Variants in SZT2 observed in about 807,000 individuals in gnomAD.
SZT2 encodes KICSTOR complex protein SZT2.
A neutral mutation model predicts 404.2 loss-of-function variants in SZT2; 216 were observed. That is an observed-to-expected ratio of 0.53 (90% CI 0.48 to 0.60). The LOEUF (loss-of-function observed/expected upper bound fraction) is 0.60. Among genes scored for constraint, SZT2 ranks in the 20% least tolerant of loss-of-function variants. The pLI, the probability that SZT2 is intolerant of heterozygous loss-of-function variation, is 0.00. For synonymous variants in SZT2, 1,693 were observed against 1,749.9 expected (o/e 0.97, Z 0.81); for missense variants, 3,857 against 4,459.2 (o/e 0.86, Z 3.85).
At chr1:43,440,156 AACT>A in intron 51 of SZT2, 108 bp downstream of exon 51, 1 of 1,438,538 alleles carries the variant, frequency 7.0e-7, no homozygotes, top group Non-Finnish European at 9.5e-7. Context: ...CATGTCAGAG[AACT>A]ACTACATCAG....
In SZT2 at chr1:43,453,768, T is replaced by C. The variant is rs1325311683; in HGVS notation, c.*3288T>C. 4 of 1,299,934 alleles carry C rather than the reference T, an allele frequency of 3.1e-6. No individual in the cohort carries two copies. The highest frequency in any genetic ancestry group is 3.1e-5 in the East Asian group (1 of 32,578). The allele number at this position is 1,299,934 out of a possible 1,614,324, so 80.5% of individuals were successfully genotyped here. On this transcript the variant is annotated 3_prime_UTR_variant, in exon 72 of 72. Coordinates refer to ENST00000634258, the MANE Select transcript of SZT2 (RefSeq NM_001365999.1). ...GAGCTCGGGGAATAGCCAGGACAGA[T>C]TGGCGGAGAAGCGCAGCGGCGCCAT...
At position 43,451,363 on chromosome 1, in the gene SZT2, CCT is replaced by C. The variant is rs2153937727; in HGVS notation, c.*884_*885del. The C allele has an allele frequency of 1.2e-6, 2 of 1,612,278 alleles. No individual in the cohort carries two copies. Among genetic ancestry groups the C allele is most frequent in the Non-Finnish European group, 1.7e-6 (2 of 1,180,010 alleles). On this transcript the variant is annotated 3_prime_UTR_variant, in exon 72 of 72. Transcript: ENST00000634258. ...CTCAGCCCACAAGGAGAAAACAGCCCCTGTCCGGGTCCCTCCAGAGCTCCCTT... is the reference window on the plus strand; with the variant it reads ...CTCAGCCCACAAGGAGAAAACAGCCCGTCCGGGTCCCTCCAGAGCTCCCTT...
At chr1:43,440,697 C>G in intron 52 of SZT2, 111 bp downstream of exon 52, 1 of 1,370,866 alleles carries the variant, frequency 7.3e-7, no homozygotes, top group Non-Finnish European at 9.6e-7. Flanking sequence ...AGTGTCCTTT[C>G]ATATAAAACT....
At chr1:43,446,930 C>A (rs756491333) in intron 65 of SZT2, 25 bp from the exon 66 acceptor site, 1 of 1,596,230 alleles carries the variant, frequency 6.3e-7, no homozygotes, top group Non-Finnish European at 8.5e-7. Context: ...TACCTTAACC[C>A]TGTCTCCTGC....
Position 43,403,189 on chromosome 1 carries a change from G to A in SZT2, c.40G>A (p.Gly14Arg). Reference protein sequence around the residue: ...ERPEPEVEEAGQVFLLMKKDY... With the variant: ...ERPEPEVEEARQVFLLMKKDY... ...TCTTTGTTCCCAGGTGGAAGAAGCT[G>A]GGCAGGTGTTCCTGTTAATGAAAAA... The change falls in exon 2 of 72, where the codon GGG becomes AGG. Residue 14 changes from glycine to arginine, a missense_variant. Gly to Arg is a moderately radical substitution (Grantham distance 125, BLOSUM62 -2). Coordinates refer to ENST00000634258, the MANE Select transcript of SZT2 (RefSeq NM_001365999.1). 6.2e-7 allele frequency: 1 copy of A among 1,614,158 alleles called. No homozygotes were observed. The highest frequency in any genetic ancestry group is 1.1e-5 in the South Asian group (1 of 91,078).
Position 43,443,270 on chromosome 1 carries a change from G to A in SZT2, c.8499+3G>A. 1.2e-6 allele frequency: 2 copies of A among 1,614,160 alleles called. No homozygotes were observed. The highest frequency in any genetic ancestry group is 1.7e-6 in the Non-Finnish European group (2 of 1,180,012). On this transcript the variant is annotated splice_donor_region_variant and intron_variant, in intron 60 of 71. Transcript: ENST00000634258. ...CCCCAGCCACCATGCCCATCAGTGT[G>A]AGTGACCCCAGCTTGCATCTTCCTT...
In SZT2 at chr1:43,423,236, C is replaced by T. The variant is rs777799016; in HGVS notation, c.2175C>T (p.Pro725=). 74 of 1,591,822 alleles carry T rather than the reference C, an allele frequency of 4.6e-5. No homozygotes were observed. Among genetic ancestry groups the T allele is most frequent in the Non-Finnish European group, 4.4e-5 (52 of 1,176,262 alleles). ...GCAGCTCTCCCTCCAAGTCACCCCC[C>T]GTGCTGGGGCCACAGCAGGCCCTGT... is the stretch of plus-strand genomic sequence containing the variant. ...GGGSSPSKSP[P]VLGPQQALSD... is the part of the protein sequence containing the mutation. The change falls in exon 15 of 72, where the codon CCC becomes CCT. Residue 725 remains proline, a synonymous_variant. Transcript: ENST00000634258.
rs1655197747 is a variant in SZT2, at chr1:43,442,680, C to A, written c.8151+62C>A. The A allele has an allele frequency of 1.9e-6, 3 of 1,538,888 alleles. No individual in the cohort carries two copies. In the Admixed American group the frequency reaches 5.7e-5, roughly 29 times the overall value. On this transcript the variant is annotated intron_variant, in intron 58 of 71. Coordinates refer to ENST00000634258, the MANE Select transcript of SZT2 (RefSeq NM_001365999.1). The surrounding 1 kb of genome is among the most constrained non-coding windows in gnomAD (Gnocchi z 4.5). ...ACTGAGGGGTCAGTTAAAGGAAAAA[C>A]CAGCTCAGAAGCCAGAAAGATGGGA...
rs1191377290 is a variant in SZT2, at chr1:43,441,641, C to T, written c.7609+40C>T. ...TCCCCTCCCATCCCTCAACCCCAGC[C>T]TGGTCTCCATCCTGCAGCTCCACAG... On this transcript the variant is annotated intron_variant, in intron 54 of 71. Transcript: ENST00000634258. The surrounding 1 kb of genome is among the most constrained non-coding windows in gnomAD (Gnocchi z 4.8). The T allele has an allele frequency of 1.2e-5, 19 of 1,614,046 alleles. No individual in the cohort carries two copies. The highest frequency in any genetic ancestry group is 1.5e-5 in the Non-Finnish European group (18 of 1,179,940).
At position 43,424,961 on chromosome 1, in the gene SZT2, C is replaced by G; in HGVS notation, c.2550+99C>G. On this transcript the variant is annotated intron_variant, in intron 17 of 71. Coordinates refer to ENST00000634258, the MANE Select transcript of SZT2 (RefSeq NM_001365999.1). The surrounding 1 kb of genome is among the most constrained non-coding windows in gnomAD (Gnocchi z 4.1). Reference sequence around the variant, plus strand: ...GTTGGGACTGCTGGAAACTGCCTCACAGGGACCCTGTGGCCAGAGGATGCT... The same window carrying G: ...GTTGGGACTGCTGGAAACTGCCTCAGAGGGACCCTGTGGCCAGAGGATGCT... The G allele has an allele frequency of 2.0e-6, 3 of 1,500,166 alleles. No homozygotes were observed. The allele number at this position is 1,500,166 out of a possible 1,614,324, so 92.9% of individuals were successfully genotyped here.
Position 43,441,617 on chromosome 1 carries a change from C to A in SZT2, c.7609+16C>A. 6.2e-7 allele frequency: 1 copy of A among 1,613,990 alleles called. No individual in the cohort carries two copies. The highest frequency in any genetic ancestry group is 8.5e-7 in the Non-Finnish European group (1 of 1,179,960). ...GTTCAGATTGGTGAGACCCCAGCCT[C>A]CCCTCCCATCCCTCAACCCCAGCCT... is the stretch of plus-strand genomic sequence containing the variant. On this transcript the variant is annotated intron_variant, in intron 54 of 71. Transcript: ENST00000634258. The surrounding 1 kb of genome is among the most constrained non-coding windows in gnomAD (Gnocchi z 4.8).
chr1:43,431,692 T>G, intron 35 of SZT2, 24 bp from the exon 36 acceptor site: 2 of 1,612,226 alleles, frequency 1.2e-6, no homozygotes, highest in Non-Finnish European at 1.7e-6. Context: ...GAGATGCCCT[T>G]TGTCACTTGC....
rs1173103700 is a variant in SZT2, at chr1:43,432,563, A to G, written c.5489A>G (p.Glu1830Gly). 2 of 1,613,646 alleles carry G rather than the reference A, an allele frequency of 1.2e-6. No individual in the cohort carries two copies. Among genetic ancestry groups the G allele is most frequent in the Non-Finnish European group, 1.7e-6 (2 of 1,179,772 alleles). ...PQAPGSPEDS[E>G]GVPLISLPRV... ...GCACCTGGGTCCCCAGAGGATTCTG[A>G]GGGTGTCCCCCTCATCAGCCTGCCC... The change falls in exon 38 of 72, where the codon GAG becomes GGG. Residue 1830 changes from glutamate (E) to glycine (G), a missense_variant. By Grantham distance (98) the Glu-to-Gly change is moderately conservative. Transcript: ENST00000634258.
chr1:43,392,741 T>G (rs905878278), intron 1 of SZT2, among the ~76,000 whole-genome samples: 2 of 152,202 alleles, frequency 1.3e-5, no homozygotes, highest in African/African-American at 4.8e-5. Flanking sequence ...ACTCCCTGAT[T>G]TGCATTTCTG....
At chr1:43,427,256 C>G (rs1008260881) in intron 24 of SZT2, 25 bp from the exon 25 acceptor site, 1 of 1,605,422 alleles carries the variant, frequency 6.2e-7, no homozygotes, top group Non-Finnish European at 8.5e-7. Context: ...CCAGGCAGCT[C>G]TGATTTATGT....
At chr1:43,446,610 C>A in intron 65 of SZT2, 194 bp downstream of exon 65, 2 of 691,242 alleles carry the variant, frequency 2.9e-6, no homozygotes, top group South Asian at 3.6e-5. Flanking sequence ...CTGACCCCAT[C>A]GGTCATCCAA....
Position 43,429,827 on chromosome 1 carries a change from C to T in SZT2, c.4291C>T (p.Leu1431Phe). The T allele has an allele frequency of 6.2e-7, 1 of 1,614,144 alleles. No individual in the cohort carries two copies. ...GCTCAGAGGAGAGGCCCATGGTGCC[C>T]TTCATAGCGTCATCCAGGTGGGAAG... is the stretch of plus-strand genomic sequence containing the variant. ...CQLRGEAHGA[L>F]HSVIQEKFLE... Residue 1431 changes from leucine (L) to phenylalanine (F), a missense_variant, in exon 29 of 72, where the codon CTT (leucine) becomes TTT (phenylalanine). Coordinates refer to ENST00000634258, the MANE Select transcript of SZT2 (RefSeq NM_001365999.1).
At position 43,427,126 on chromosome 1, in the gene SZT2, G is replaced by A; in HGVS notation, c.3380G>A (p.Arg1127Lys). ...CCCCCTCAGTGGCGCTGCTATGCAAGGCTTGTGAACCCCCAGCATGTGTTT... is the reference window on the plus strand; with the variant it reads ...CCCCCTCAGTGGCGCTGCTATGCAAAGCTTGTGAACCCCCAGCATGTGTTT... The part of the protein sequence containing the change: ...AQPPQWRCYA[R>K]LVNPQHVFLT... The change falls in exon 24 of 72, where the codon AGG becomes AAG. Residue 1127 changes from arginine to lysine, a missense_variant. This residue lies in a region of SZT2 where 1,725 missense variants were observed against 1,881.0 expected (regional missense o/e 0.92). Coordinates refer to ENST00000634258, the MANE Select transcript of SZT2 (RefSeq NM_001365999.1). 2.5e-6 allele frequency: 4 copies of A among 1,614,098 alleles called. No individual in the cohort carries two copies. Among genetic ancestry groups the A allele is most frequent in the Non-Finnish European group, 3.4e-6 (4 of 1,180,000 alleles).
rs781128004 is a variant in SZT2 at position 43,450,923 on chromosome 1, C to T, written c.*443C>T. 4.0e-6 allele frequency: 3 copies of T among 751,016 alleles called. No individual in the cohort carries two copies. Among genetic ancestry groups the T allele is most frequent in the East Asian group, 5.0e-5 (2 of 39,970 alleles). The allele number at this position is 751,016 out of a possible 1,614,324, so 46.5% of individuals were successfully genotyped here. A position where few individuals can be genotyped will look rare whatever the true frequency, so the allele number is the denominator to read the frequency against. ...GGACATCACTGCTGGACATTCCCATCGAGATGACACCTGGGTTCCAATCCC... is the reference window on the plus strand; with the variant it reads ...GGACATCACTGCTGGACATTCCCATTGAGATGACACCTGGGTTCCAATCCC... On this transcript the variant is annotated 3_prime_UTR_variant, in exon 72 of 72. Coordinates refer to ENST00000634258, the MANE Select transcript of SZT2 (RefSeq NM_001365999.1). This position sits in a 1 kb window ranked among gnomAD's most constrained non-coding sequence, Gnocchi z 4.3.
Sources: gnomAD v4.1 joint callset for allele counts (sites outside exome capture counted in the v4.1 genomes callset) on GRCh38, gnomAD v4.1.1 for gene constraint, gnomAD v4.1.1 regional missense constraint, Gnocchi (gnomAD v3.1) non-coding constraint, MANE v1.5 for transcripts, NCBI Gene and HGNC (gene_info 2026-07-23, HGNC 2026-07-21) for gene names.